Variants in RFX8 observed in about 807,000 individuals in gnomAD.
RFX8 encodes the protein regulatory factor X8, also known as DNA-binding protein RFX8.
A neutral mutation model predicts 54.6 loss-of-function variants in RFX8; 46 were observed. The ratio of observed to expected loss-of-function variants is 0.84; its 90% CI spans 0.67 to 1.08. The LOEUF (loss-of-function observed/expected upper bound fraction) is 1.08, where lower values mean the gene tolerates loss of function less well. Ranked by LOEUF, RFX8 falls within the 50% of genes least tolerant of loss-of-function variation. The probability of loss-of-function intolerance (pLI) is 0.00; values close to 1 mark genes in which losing one functional copy is unlikely to be tolerated. For synonymous variants in RFX8, 192 were observed against 209.5 expected (o/e 0.92, Z 0.72); for missense variants, 536 against 562.3 (o/e 0.95, Z 0.47).
In RFX8 at chr2:101,460,461, T is replaced by C. The variant is rs561126171; in HGVS notation, c.72+6316A>G. 2.1e-4 allele frequency among the ~76,000 whole-genome samples: 32 copies of C among 152,326 alleles called. No homozygotes were observed. In the South Asian group the frequency reaches 6.4e-3, roughly 31 times the overall value. Reference sequence around the variant, plus strand: ...TCTGGGTTTGATTAGTGAAATGCTATCTTGTTTATCAGCACTTTGTTAGAG... The same window carrying C: ...TCTGGGTTTGATTAGTGAAATGCTACCTTGTTTATCAGCACTTTGTTAGAG... On this transcript the variant is annotated intron_variant, in intron 2 of 11. Transcript: ENST00000428343.
intron 2 of RFX8, among the ~76,000 whole-genome samples, chr2:101,449,064 A>G (rs1688546076): frequency 6.6e-6 from 1 of 152,238 alleles, no homozygotes; most frequent in Non-Finnish European, 1.5e-5. Flanking sequence ...CATTAGACAG[A>G]GACAAGAAGA....
chr2:101,457,496 G>C (rs1689039718), intron 2 of RFX8, among the ~76,000 whole-genome samples: 1 of 152,174 alleles, frequency 6.6e-6, no homozygotes, highest in Non-Finnish European at 1.5e-5. Flanking sequence ...AGGTTGTTCA[G>C]TTTCCATGTA....
chr2:101,431,664 A>C (rs539936677), intron 2 of RFX8, among the ~76,000 whole-genome samples: 4 of 152,130 alleles, frequency 2.6e-5, no homozygotes, highest in Non-Finnish European at 5.9e-5. Flanking sequence ...CTCTCCCTCC[A>C]CCCTGACTCT....
intron 1 of RFX8, among the ~76,000 whole-genome samples, chr2:101,468,107 C>T (rs907788148): frequency 4.6e-5 from 7 of 152,112 alleles, no homozygotes; most frequent in Admixed American, 2.0e-4. Flanking sequence ...GTTAACCCCA[C>T]CGGCTTCCCA....
chr2:101,450,727 T>C, intron 2 of RFX8: 1 of 989,016 alleles, frequency 1.0e-6, no homozygotes, highest in East Asian at 2.6e-5. Context: ...ACTACTGACA[T>C]GCTTTATGGA....
intron 2 of RFX8, among the ~76,000 whole-genome samples, chr2:101,442,648 T>C (rs1337728454): frequency 1.3e-5 from 2 of 152,214 alleles, no homozygotes; most frequent in Non-Finnish European, 2.9e-5. Context: ...TCTGCCTGCT[T>C]CCAGGGTTTT....
chr2:101,452,680 G>A (rs1158711000), intron 2 of RFX8, among the ~76,000 whole-genome samples: 7 of 152,216 alleles, frequency 4.6e-5, no homozygotes, highest in African/African-American at 1.7e-4. Flanking sequence ...ACCACTTGGA[G>A]GCCAGGCACG....
chr2:101,428,812 A>G, intron 2 of RFX8: 1 of 606,352 alleles, frequency 1.6e-6, no homozygotes, highest in Non-Finnish European at 3.0e-6. Context: ...GTGGCACTGA[A>G]CATTCATGGT....
At chr2:101,416,486 G>A (rs1686519679) in intron 6 of RFX8, among the ~76,000 whole-genome samples, 1 of 152,144 alleles carries the variant, frequency 6.6e-6, no homozygotes, top group African/African-American at 2.4e-5. Context: ...CTATGCTGTA[G>A]GCACTTTGAG....
In RFX8 at chr2:101,421,594, C is replaced by G. The variant is rs185121866; in HGVS notation, c.237+130G>C. 25 of 1,442,752 alleles carry G rather than the reference C, an allele frequency of 1.7e-5. No individual in the cohort carries two copies. The Admixed American group carries it at 3.2e-4, about 19-fold the overall frequency. The allele number at this position is 1,442,752 out of a possible 1,614,324, so 89.4% of individuals were successfully genotyped here. ...AACATAGGTACATAGCATGTAAGCACTTCAGTGCAGTGGGTTACCATTGGA... is the reference window on the plus strand; with the variant it reads ...AACATAGGTACATAGCATGTAAGCAGTTCAGTGCAGTGGGTTACCATTGGA... On this transcript the variant is annotated intron_variant, in intron 4 of 11. Transcript: ENST00000428343.
rs184594005 is a variant in RFX8, at chr2:101,405,895, C to T, written c.928+48G>A. ...ACGCAAAATACTTATGCCATAATGA[C>T]ATTTTTAAAAGGTAGAATACAAAAT... On this transcript the variant is annotated intron_variant, in intron 10 of 11. Coordinates refer to ENST00000428343, the MANE Select transcript of RFX8 (RefSeq NM_001145664.2). 1.2e-3 allele frequency: 1,425 copies of T among 1,190,780 alleles called. 2 individuals carry two copies. The highest frequency in any genetic ancestry group is 2.6e-3 in the South Asian group (170 of 66,216). 73.8% of individuals were successfully genotyped at this position (1,190,780 alleles called of 1,614,324 possible). A position where few individuals can be genotyped will look rare whatever the true frequency, so the allele number is the denominator to read the frequency against.
At chr2:101,470,998 C>G (rs953471453) in intron 1 of RFX8, among the ~76,000 whole-genome samples, 1 of 148,712 alleles carries the variant, frequency 6.7e-6, no homozygotes, top group East Asian at 2.1e-4. Flanking sequence ...GGATTACAGG[C>G]GTGAGCCACC....
chr2:101,474,215 C>A, intron 1 of RFX8: 1 of 601,704 alleles, frequency 1.7e-6, no homozygotes, highest in Non-Finnish European at 3.0e-6. Context: ...TGGATGACGC[C>A]GCTGTGCGGG....
intron 10 of RFX8, among the ~76,000 whole-genome samples, chr2:101,405,337 G>C (rs536326601): frequency 6.6e-6 from 1 of 152,018 alleles, no homozygotes; most frequent in African/African-American, 2.4e-5. Flanking sequence ...AGTAGAGACA[G>C]GGTTTCACCA....
chr2:101,436,485 C>T (rs533696817), intron 2 of RFX8, among the ~76,000 whole-genome samples: 5 of 152,238 alleles, frequency 3.3e-5, no homozygotes, highest in African/African-American at 4.8e-5. Flanking sequence ...CCTAGCAAGG[C>T]GTGCTCTTTT....
intron 2 of RFX8, among the ~76,000 whole-genome samples, chr2:101,431,737 T>A (rs1474172845): frequency 6.6e-6 from 1 of 152,206 alleles, no homozygotes; most frequent in Non-Finnish European, 1.5e-5. Flanking sequence ...TTATTTTGAG[T>A]TCCTAAATGG....
intron 2 of RFX8, among the ~76,000 whole-genome samples, chr2:101,439,439 G>C (rs778130112): frequency 6.6e-5 from 10 of 152,082 alleles, no homozygotes; most frequent in Middle Eastern, 3.2e-3. Context: ...CTGGTGTCTG[G>C]TCTGAGACCT....
At chr2:101,459,130 T>C (rs1195258230) in intron 2 of RFX8, among the ~76,000 whole-genome samples, 1 of 152,162 alleles carries the variant, frequency 6.6e-6, no homozygotes, top group Non-Finnish European at 1.5e-5. Context: ...TTTCAAGGTT[T>C]TTAGCTTCCT....
chr2:101,446,503 G>A (rs374309312), intron 2 of RFX8, among the ~76,000 whole-genome samples: 114,922 of 151,700 alleles, frequency 0.76, 44,454 homozygotes, highest in Middle Eastern at 0.89. Flanking sequence ...TATATGCTGA[G>A]CATAGAGTAC....
Sources: gnomAD v4.1 joint callset for allele counts (sites outside exome capture counted in the v4.1 genomes callset) on GRCh38, gnomAD v4.1.1 for gene constraint, MANE v1.5 for transcripts, NCBI Gene and HGNC (gene_info 2026-07-23, HGNC 2026-07-21) for gene names.